FBLN2: variants seen among roughly 807,000 people sequenced by gnomAD.
FBLN2 encodes fibulin 2.
Under a neutral mutation model 123.7 loss-of-function variants are expected in FBLN2, and 81 were observed. The observed-to-expected ratio is 0.65, with a 90% CI of 0.55 to 0.79. The LOEUF (loss-of-function observed/expected upper bound fraction) is 0.79, where lower values mean the gene tolerates loss of function less well. FBLN2 is among the 30% of genes least tolerant of loss of function. The pLI, the probability that FBLN2 is intolerant of heterozygous loss-of-function variation, is 0.00. For missense variants in FBLN2, 1,603 were observed against 1,681.3 expected, an observed-to-expected ratio of 0.95 and a Z score of 0.81; for synonymous variants, 699 against 701.4, an observed-to-expected ratio of 1.00 and a Z score of 0.05.
intron 2 of FBLN2, among the ~76,000 whole-genome samples, chr3:13,598,898 A>G (rs890190143): frequency 1.3e-5 from 2 of 152,204 alleles, no homozygotes; most frequent in Non-Finnish European, 2.9e-5. Flanking sequence ...ACAGACAGGC[A>G]GGGAGTCACA....
chr3:13,553,804 G>A (rs1325556448), intron 1 of FBLN2, among the ~76,000 whole-genome samples: 4 of 152,364 alleles, frequency 2.6e-5, no homozygotes, highest in Admixed American at 6.5e-5. Flanking sequence ...CACCTGTGCC[G>A]GGCCAGGGAT....
rs374848366 is a variant in FBLN2 at position 13,570,889 on chromosome 3, C to T, written c.534C>T (p.His178=). ...TCTGCTACCAGCTCCCCGGTTGCCA[C>T]GGGAACTTCTCAGATGCCGAGGAGG... ...ELICYQLPGC[H]GNFSDAEEGD... is the part of the protein sequence containing the mutation. Residue 178 remains histidine, a synonymous_variant, in exon 2 of 18, where the codon CAC becomes CAT. Transcript: ENST00000404922. 6.5e-5 allele frequency: 104 copies of T among 1,612,306 alleles called. No individual in the cohort carries two copies. The highest frequency in any genetic ancestry group is 4.0e-4 in the East Asian group (18 of 44,828).
chr3:13,605,626 G>A lies in FBLN2; in HGVS notation c.1307-2436G>A, dbSNP rs144291394. 5.2e-3 allele frequency among the ~76,000 whole-genome samples: 793 copies of A among 152,142 alleles called. 4 individuals are homozygous for A. The highest frequency in any genetic ancestry group is 8.1e-3 in the Non-Finnish European group (548 of 68,008). On this transcript the variant is annotated intron_variant, in intron 2 of 17. Transcript: ENST00000404922. ...CCAGTGATGGACACCCAGGCTGTCC[G>A]CAACCCCTTTCCACAAATAACACTT...
chr3:13,612,868 A>G (rs993779655), intron 4 of FBLN2, among the ~76,000 whole-genome samples: 3 of 152,182 alleles, frequency 2.0e-5, no homozygotes, highest in Non-Finnish European at 1.5e-5. Context: ...GTTGCTGGGT[A>G]ACATACCATC....
intron 9 of FBLN2, among the ~76,000 whole-genome samples, chr3:13,624,584 C>A (rs1358842966): frequency 6.6e-6 from 1 of 152,210 alleles, no homozygotes. Context: ...GGTCTCTTTC[C>A]CCAGGGCCTT....
At position 13,629,881 on chromosome 3, in the gene FBLN2, C is replaced by A; in HGVS notation, c.2904C>A (p.Leu968=). 6.3e-7 allele frequency: 1 copy of A among 1,599,640 alleles called. No homozygotes were observed. Among genetic ancestry groups the A allele is most frequent in the East Asian group, 2.3e-5 (1 of 44,130 alleles). Reference sequence around the variant, plus strand: ...GCCAGCACACGTGTGAGAACACACTCGGCTCCTACCGCTGTTCCTGCGCCT... The same window carrying A: ...GCCAGCACACGTGTGAGAACACACTAGGCTCCTACCGCTGTTCCTGCGCCT... The part of the protein sequence containing the change: ...RLCQHTCENT[L]GSYRCSCASG... The change falls in exon 14 of 18, where the codon CTC becomes CTA. Residue 968 remains leucine, a synonymous_variant. Coordinates refer to ENST00000404922, the MANE Select transcript of FBLN2 (RefSeq NM_001004019.2).
rs373163875 is a variant in FBLN2, at chr3:13,571,433, C to T, written c.1078C>T (p.Pro360Ser). ...TGGGCCGGAGGGCGTGACGCATGCA[C>T]CGAGCCTGGGCAAGGCTGCTCTCGT... Reference protein sequence around the residue: ...STGPEGVTHAPSLGKAALVPT... With the variant: ...STGPEGVTHASSLGKAALVPT... The change falls in exon 2 of 18, where the codon CCG becomes TCG. Residue 360 changes from proline to serine, a missense_variant. Pro to Ser is a moderately conservative substitution (Grantham distance 74, BLOSUM62 -1). Coordinates refer to ENST00000404922, the MANE Select transcript of FBLN2 (RefSeq NM_001004019.2). 149 of 1,612,846 alleles carry T rather than the reference C, an allele frequency of 9.2e-5. No homozygotes were observed. Among genetic ancestry groups the T allele is most frequent in the Non-Finnish European group, 1.1e-4 (133 of 1,179,618 alleles).
intron 2 of FBLN2, among the ~76,000 whole-genome samples, chr3:13,604,089 A>AT (rs1176204970): frequency 2.6e-5 from 4 of 151,772 alleles, no homozygotes; most frequent in Admixed American, 2.0e-4. Flanking sequence ...GGGTTGTTTG[A>AT]TTTTTTCTTG....
chr3:13,583,856 G>A (rs781135623), intron 2 of FBLN2, among the ~76,000 whole-genome samples: 2 of 152,176 alleles, frequency 1.3e-5, no homozygotes, highest in Non-Finnish European at 2.9e-5. Context: ...TTCCAGCCCC[G>A]TCCTCTAGCC....
intron 5 of FBLN2, among the ~76,000 whole-genome samples, chr3:13,615,197 C>T (rs1011345953): frequency 6.6e-6 from 1 of 152,314 alleles, no homozygotes; most frequent in East Asian, 1.9e-4. Flanking sequence ...ATGAGGGTGC[C>T]CCAGTGAGTC....
At chr3:13,610,927 T>C (rs905094340) in intron 4 of FBLN2, among the ~76,000 whole-genome samples, 1 of 150,182 alleles carries the variant, frequency 6.7e-6, no homozygotes, top group African/African-American at 2.5e-5. Context: ...TTATTATTAT[T>C]TTGAGACAGA....
At chr3:13,581,855 C>T (rs1022101625) in intron 2 of FBLN2, among the ~76,000 whole-genome samples, 9 of 152,070 alleles carry the variant, frequency 5.9e-5, no homozygotes, top group Admixed American at 2.0e-4. Context: ...TGGCCTAGGG[C>T]GAGGAAGTGT....
intron 2 of FBLN2, among the ~76,000 whole-genome samples, chr3:13,592,811 C>T (rs1185753693): frequency 1.3e-5 from 2 of 152,166 alleles, no homozygotes; most frequent in East Asian, 3.8e-4. Flanking sequence ...TTTGCTTTGG[C>T]AACAGTTTAT....
rs142195006 is a variant in FBLN2, at chr3:13,612,646, G to T, written c.1549-1338G>T. ...TCCACCCACCTCGGCCTCCCAAAGT[G>T]CTGGGATTACAGGCATGAGCCACCA... is the stretch of plus-strand genomic sequence containing the variant. On this transcript the variant is annotated intron_variant, in intron 4 of 17. Coordinates refer to ENST00000404922, the MANE Select transcript of FBLN2 (RefSeq NM_001004019.2). Among the ~76,000 whole-genome samples, 638 of 152,216 alleles carry T rather than the reference G, an allele frequency of 4.2e-3. 1 individual carries two copies. Among genetic ancestry groups the T allele is most frequent in the Non-Finnish European group, 5.6e-3 (379 of 68,030 alleles).
intron 17 of FBLN2, among the ~76,000 whole-genome samples, chr3:13,636,971 G>A (rs577338063): frequency 1.5e-4 from 23 of 152,304 alleles, no homozygotes; most frequent in African/African-American, 3.1e-4. Context: ...TCCGGGGTGC[G>A]GGATCCTGCC....
chr3:13,591,949 C>T (rs112272110), intron 2 of FBLN2, among the ~76,000 whole-genome samples: 19 of 151,090 alleles, frequency 1.3e-4, no homozygotes, highest in Admixed American at 2.6e-4. Context: ...TCCCCTACTG[C>T]GTTACATTGT....
chr3:13,590,079 C>G (rs1276086084), intron 2 of FBLN2, among the ~76,000 whole-genome samples: 1 of 152,192 alleles, frequency 6.6e-6, no homozygotes, highest in Admixed American at 6.5e-5. Flanking sequence ...TTCAAGCACC[C>G]CAGAGTTTTC....
chr3:13,636,374 T>A, intron 16 of FBLN2, 71 bp from the exon 17 acceptor site: 1 of 1,577,874 alleles, frequency 6.3e-7, no homozygotes, highest in Non-Finnish European at 8.6e-7. Context: ...AGGCCTTTCA[T>A]GCAGGCTGGG....
chr3:13,626,608 A>G (rs750272756), intron 10 of FBLN2, 29 bp downstream of exon 10: 1 of 1,518,474 alleles, frequency 6.6e-7, no homozygotes. Context: ...GACCAACTGG[A>G]GGCCCCGCCC....
Sources: gnomAD v4.1 joint callset for allele counts (sites outside exome capture counted in the v4.1 genomes callset) on GRCh38, gnomAD v4.1.1 for gene constraint, MANE v1.5 for transcripts, NCBI Gene and HGNC (gene_info 2026-07-23, HGNC 2026-07-21) for gene names.